HAL: variants seen among roughly 807,000 people sequenced by gnomAD.
HAL encodes histidine ammonia-lyase.
Under a neutral mutation model 81.1 loss-of-function variants are expected in HAL, and 85 were observed. The ratio of observed to expected loss-of-function variants is 1.05; its 90% CI spans 0.88 to 1.25. The LOEUF is 1.25. HAL is among the 50% of genes most tolerant of loss of function. The pLI is 0.00. For synonymous variants in HAL, 301 were observed against 309.2 expected (o/e 0.97, Z 0.28); for missense variants, 798 against 836.6 (o/e 0.95, Z 0.57).
chr12:95,987,454 A>C (rs2072511), intron 11 of HAL, among the ~76,000 whole-genome samples: 119,060 of 152,108 alleles, frequency 0.78, 47,442 homozygotes, highest in African/African-American at 0.92. Flanking sequence ...TTAAGTATCC[A>C]CATTCCCAAA....
chr12:95,985,140 T>G (rs994903422), intron 14 of HAL, among the ~76,000 whole-genome samples: 1 of 152,232 alleles, frequency 6.6e-6, no homozygotes, highest in African/African-American at 2.4e-5. Context: ...ACCATTACTA[T>G]GCACCTGAGT....
intron 12 of HAL, 84 bp from the exon 13 acceptor site, chr12:95,986,244 G>A (rs572967399): frequency 4.7e-6 from 4 of 852,012 alleles, no homozygotes; most frequent in South Asian, 2.8e-5. Flanking sequence ...CGTTCCCCAG[G>A]CTGGTTTCAA....
Position 95,976,190 on chromosome 12 carries a change from C to G in HAL, c.1833+239G>C, listed in dbSNP as rs541417833. 6 of 554,202 alleles carry G rather than the reference C, an allele frequency of 1.1e-5. No individual in the cohort carries two copies. In the East Asian group the frequency reaches 1.9e-4, roughly 18 times the overall value. 34.3% of individuals were successfully genotyped at this position (554,202 alleles called of 1,614,324 possible). The stretch of plus-strand genomic sequence containing the variant: ...TCCCCATGAATATTGTCCCAAAACT[C>G]CATTTAAAATCCATTTCTGTTTCTA... On this transcript the variant is annotated intron_variant, in intron 20 of 20. Transcript: ENST00000261208.
rs1294907997 is a variant in HAL, at chr12:95,995,794, C to T, written c.117G>A (p.Lys39=). The stretch of plus-strand genomic sequence containing the variant: ...CGGAGGTGAAGCCACCATTGTCGGG[C>T]TTATTCTTGATATAGCGCCTCACGG... ...REAVRRYIKN[K]PDNGGFTSVD... Residue 39 remains lysine (K), a synonymous_variant, in exon 2 of 21, where the codon AAG becomes AAA. Transcript: ENST00000261208. 2.5e-6 allele frequency: 4 copies of T among 1,613,372 alleles called. No homozygotes were observed. The highest frequency in any genetic ancestry group is 2.2e-5 in the East Asian group (1 of 44,882).
At chr12:95,992,876 T>TCCCTCCCG (rs2136826343) in intron 8 of HAL, 71 bp from the exon 9 acceptor site, 1 of 1,373,002 alleles carries the variant, frequency 7.3e-7, no homozygotes, top group Non-Finnish European at 1.0e-6. Context: ...TTGCCCTCCC[T>TCCCTCCCG]CCCTCCAATC....
chr12:95,976,681 G>GGA lies in HAL; in HGVS notation c.1679_1680insTC (p.Cys561ProfsTer5). On this transcript the variant is annotated frameshift_variant, in exon 19 of 21. Coordinates refer to ENST00000261208, the MANE Select transcript of HAL (RefSeq NM_002108.4). LOFTEE classifies it high-confidence loss of function. ...GACGTAGAAACTCTATGCCCTGGCA[G>GGA]GCTGCAAGGAGCTCGATGGCCAGCA... 1 of 1,612,032 alleles carries GGA rather than the reference G, an allele frequency of 6.2e-7. No individual in the cohort carries two copies. The highest frequency in any genetic ancestry group is 8.5e-7 in the Non-Finnish European group (1 of 1,178,074).
chr12:95,986,378 C>G (rs961510032), intron 12 of HAL, among the ~76,000 whole-genome samples: 1 of 152,096 alleles, frequency 6.6e-6, no homozygotes, highest in South Asian at 2.1e-4. Flanking sequence ...GGTTCAGGAC[C>G]ATCTACGGTG....
Position 95,996,098 on chromosome 12 carries a change from G to T in HAL, c.-102C>A. The T allele has an allele frequency of 1.5e-6, 1 of 646,258 alleles. No individual in the cohort carries two copies. Among genetic ancestry groups the T allele is most frequent in the South Asian group, 1.8e-5 (1 of 57,068 alleles). The allele number at this position is 646,258 out of a possible 1,614,324, so 40.0% of individuals were successfully genotyped here. On this transcript the variant is annotated 5_prime_UTR_variant, in exon 1 of 21. Transcript: ENST00000261208. ...GGTACCTGCTGTCCCTTTGGTTTTTGTAGCCGAGCAGGGGCAGGAGCAGGG... is the reference window on the plus strand; with the variant it reads ...GGTACCTGCTGTCCCTTTGGTTTTTTTAGCCGAGCAGGGGCAGGAGCAGGG...
chr12:95,996,031 C>T (rs1950032453), intron 1 of HAL, 40 bp from the exon 2 acceptor site: 4 of 954,824 alleles, frequency 4.2e-6, no homozygotes, highest in South Asian at 4.2e-5. Flanking sequence ...ACTCCCCCTC[C>T]TTCACCTTTA....
At position 95,976,606 on chromosome 12, in the gene HAL, A is replaced by T. The variant is rs758679415; in HGVS notation, c.1755T>A (p.Ser585=). The T allele has an allele frequency of 1.2e-6, 2 of 1,606,026 alleles. No homozygotes were observed. The highest frequency in any genetic ancestry group is 1.7e-5 in the Admixed American group (1 of 60,030). The change falls in exon 19 of 21, where the codon TCT becomes TCA. Residue 585 remains serine, a synonymous_variant. Transcript: ENST00000261208. The stretch of plus-strand genomic sequence containing the variant: ...GACCTGTTTGATCTTACCTTACAAC[A>T]GAGCGCACCAGGTCATAGACCTTCT... ...PLEKVYDLVR[S]VVRPWIKDRF...
chr12:95,976,545 C>T (rs538088096), intron 19 of HAL, 47 bp from the exon 20 acceptor site: 8 of 1,597,024 alleles, frequency 5.0e-6, no homozygotes, highest in East Asian at 2.2e-5. Context: ...GAAACCCTGC[C>T]AGGGTTCACA....
chr12:95,975,890 T>G (rs2080712908), intron 20 of HAL, among the ~76,000 whole-genome samples: 1 of 152,198 alleles, frequency 6.6e-6, no homozygotes, highest in South Asian at 2.1e-4. Flanking sequence ...TAAGCCAGCA[T>G]GCTGGGCATC....
Position 95,973,330 on chromosome 12 carries a change from A to C in HAL, c.*902T>G, listed in dbSNP as rs2080675967. 1 of 151,872 alleles carries C rather than the reference A, an allele frequency of 6.6e-6. No homozygotes were observed. Among genetic ancestry groups the C allele is most frequent in the African/African-American group, 2.4e-5 (1 of 41,322 alleles). The allele number at this position is 151,872 out of a possible 1,614,324, so 9.4% of individuals were successfully genotyped here. A position where few individuals can be genotyped will look rare whatever the true frequency, so the allele number is the denominator to read the frequency against. On this transcript the variant is annotated 3_prime_UTR_variant, in exon 21 of 21. Coordinates refer to ENST00000261208, the MANE Select transcript of HAL (RefSeq NM_002108.4). ...GGGAAAAAAATAGATGCAGTAATACACTCTAGGGCTCCATCTGACCTTTAT... is the reference window on the plus strand; with the variant it reads ...GGGAAAAAAATAGATGCAGTAATACCCTCTAGGGCTCCATCTGACCTTTAT...
intron 14 of HAL, 56 bp downstream of exon 14, chr12:95,985,852 G>T: frequency 8.3e-7 from 1 of 1,204,724 alleles, no homozygotes; most frequent in Non-Finnish European, 1.2e-6. Context: ...TGAACCTGGG[G>T]AAAGAAAAAC....
intron 2 of HAL, chr12:95,995,339 T>G: frequency 1.8e-6 from 1 of 556,992 alleles, no homozygotes; most frequent in Non-Finnish European, 3.2e-6. Context: ...CAAAATAACC[T>G]CAAAATGATT....
intron 17 of HAL, 40 bp from the exon 18 acceptor site, chr12:95,978,118 G>T: frequency 1.3e-6 from 2 of 1,555,102 alleles, no homozygotes; most frequent in Non-Finnish European, 1.8e-6. Context: ...GCTCCTCACA[G>T]GATGAGCTGT....
At position 95,977,385 on chromosome 12, in the gene HAL, T is replaced by A. The variant is rs554061940; in HGVS notation, c.1654+559A>T. On this transcript the variant is annotated intron_variant, in intron 18 of 20. Coordinates refer to ENST00000261208, the MANE Select transcript of HAL (RefSeq NM_002108.4). Reference sequence around the variant, plus strand: ...TTTGAATATGTTTTAAAAGTCTCATTAAAAAAAAAACCACTTTGGGGGTGA... The same window carrying A: ...TTTGAATATGTTTTAAAAGTCTCATAAAAAAAAAAACCACTTTGGGGGTGA... Among the ~76,000 whole-genome samples, 359 of 147,436 alleles carry A rather than the reference T, an allele frequency of 2.4e-3. 2 individuals are homozygous for A. The highest frequency in any genetic ancestry group is 4.4e-3 in the Non-Finnish European group (294 of 66,684).
intron 14 of HAL, among the ~76,000 whole-genome samples, chr12:95,985,303 A>G (rs890570904): frequency 2.0e-5 from 3 of 152,124 alleles, no homozygotes; most frequent in Admixed American, 1.3e-4. Context: ...TCAACATAAG[A>G]GGTTGTCTGG....
intron 15 of HAL, among the ~76,000 whole-genome samples, 199 bp from the exon 16 acceptor site, chr12:95,981,062 C>T (rs79234803): frequency 5.1e-4 from 78 of 152,224 alleles, no homozygotes; most frequent in African/African-American, 1.7e-3. Flanking sequence ...ATCATGTACA[C>T]CCAATTTGGA....
Sources: gnomAD v4.1 joint callset for allele counts (sites outside exome capture counted in the v4.1 genomes callset) on GRCh38, gnomAD v4.1.1 for gene constraint, MANE v1.5 for transcripts, NCBI Gene and HGNC (gene_info 2026-07-23, HGNC 2026-07-21) for gene names.